The following MDM2 variants were observed in gnomAD, a reference collection of about 807,000 sequenced individuals.
MDM2 encodes E3 ubiquitin-protein ligase Mdm2.
In MDM2, 11 loss-of-function variants were observed where a neutral mutation model predicts 64.3. That is an observed-to-expected ratio of 0.17 (90% CI 0.11 to 0.28). The LOEUF is 0.28. Ranked by LOEUF, MDM2 falls within the 10% of genes least tolerant of loss-of-function variation. The pLI is 1.00. For missense variants in MDM2, 388 were observed against 577.1 expected, an observed-to-expected ratio of 0.67 and a Z score of 3.36; for synonymous variants, 194 against 192.9, an observed-to-expected ratio of 1.01 and a Z score of -0.05.
rs893861021 is a variant in MDM2 at position 68,842,585 on chromosome 12, T to A, written c.*2736T>A. ...TCTCATTGTTAACTCTTTACTGATA[T>A]GTTTGTAAATACAGAAGTGAAATGT... On this transcript the variant is annotated 3_prime_UTR_variant, in exon 11 of 11. Transcript: ENST00000258149. 5.1e-5 allele frequency: 16 copies of A among 314,402 alleles called. No individual in the cohort carries two copies. The highest frequency in any genetic ancestry group is 1.0e-4 in the Non-Finnish European group (16 of 159,924). 19.5% of individuals were successfully genotyped at this position (314,402 alleles called of 1,614,324 possible).
Position 68,808,343 on chromosome 12 carries a change from T to G in MDM2, c.-135T>G. The G allele has an allele frequency of 2.6e-6, 3 of 1,170,096 alleles. No homozygotes were observed. The highest frequency in any genetic ancestry group is 3.8e-6 in the Non-Finnish European group (3 of 795,706). The allele number at this position is 1,170,096 out of a possible 1,614,324, so 72.5% of individuals were successfully genotyped here. ...GGAGCACCGTCCCTCCCCGGATTAG[T>G]GCGTACGAGCGCCCAGTGCCCTGGC... is the stretch of plus-strand genomic sequence containing the variant. On this transcript the variant is annotated 5_prime_UTR_variant, in exon 1 of 11. Transcript: ENST00000258149.
chr12:68,839,376 G>C lies in MDM2; in HGVS notation c.1021G>C (p.Gly341Arg), dbSNP rs1317562896. 1 of 1,613,832 alleles carries C rather than the reference G, an allele frequency of 6.2e-7. No individual in the cohort carries two copies. The highest frequency in any genetic ancestry group is 2.2e-5 in the East Asian group (1 of 44,828). Residue 341 changes from glycine to arginine, a missense_variant, in exon 11 of 11, where the codon GGG becomes CGG. By Grantham distance (125) the Gly-to-Arg change is moderately radical. Transcript: ENST00000258149. Reference sequence around the variant, plus strand: ...TGAGAATTGGCTTCCTGAAGATAAAGGGAAAGATAAAGGGGAAATCTCTGA... The same window carrying C: ...TGAGAATTGGCTTCCTGAAGATAAACGGAAAGATAAAGGGGAAATCTCTGA... The part of the protein sequence containing the change: ...LRENWLPEDK[G>R]KDKGEISEKA...
chr12:68,833,610 A>G (rs568204247), intron 8 of MDM2, among the ~76,000 whole-genome samples: 291 of 151,826 alleles, frequency 1.9e-3, no homozygotes, highest in Non-Finnish European at 3.6e-3. Flanking sequence ...AAAGAGCCAC[A>G]TAGTTAATTA....
At chr12:68,829,774 A>T (rs540733421) in intron 8 of MDM2, among the ~76,000 whole-genome samples, 1 of 152,226 alleles carries the variant, frequency 6.6e-6, no homozygotes, top group East Asian at 1.9e-4. Context: ...TCAAAAAAAA[A>T]AAAAAAAAAT....
intron 8 of MDM2, among the ~76,000 whole-genome samples, chr12:68,832,310 G>A (rs901729488): frequency 1.3e-5 from 2 of 152,046 alleles, no homozygotes; most frequent in Non-Finnish European, 1.5e-5. Flanking sequence ...GTTCTAGACT[G>A]TACACCATGC....
chr12:68,815,298 T>C (rs941413541), intron 3 of MDM2, among the ~76,000 whole-genome samples: 2 of 152,110 alleles, frequency 1.3e-5, no homozygotes, highest in African/African-American at 4.8e-5. Flanking sequence ...GTAACAGTAG[T>C]GTATGTATTG....
chr12:68,819,098 G>C (rs773673493), intron 4 of MDM2, among the ~76,000 whole-genome samples: 2 of 152,144 alleles, frequency 1.3e-5, no homozygotes, highest in African/African-American at 2.4e-5. Context: ...TAAATGTTGA[G>C]AGATAAGAAA....
Position 68,839,599 on chromosome 12 carries a change from A to G in MDM2, c.1244A>G (p.Glu415Gly). ...AGTAGCATTATTTATAGCAGCCAAG[A>G]AGATGTGAAAGAGTTTGAAAGGGAA... is the stretch of plus-strand genomic sequence containing the variant. ...TSSSIIYSSQ[E>G]DVKEFEREET... Residue 415 changes from glutamate (E) to glycine (G), a missense_variant, in exon 11 of 11, where the codon GAA becomes GGA. Glu to Gly is a moderately conservative substitution (Grantham distance 98). This residue lies in a region of MDM2 where 138 missense variants were observed against 143.7 expected (regional missense o/e 0.96). Transcript: ENST00000258149. 1 of 1,613,976 alleles carries G rather than the reference A, an allele frequency of 6.2e-7. No individual in the cohort carries two copies. Among genetic ancestry groups the G allele is most frequent in the South Asian group, 1.1e-5 (1 of 91,080 alleles).
At chr12:68,834,549 C>A (rs1339018130) in intron 8 of MDM2, among the ~76,000 whole-genome samples, 1 of 151,840 alleles carries the variant, frequency 6.6e-6, no homozygotes, top group Non-Finnish European at 1.5e-5. Flanking sequence ...CCAGCCTGGC[C>A]AACATGGTGA....
At chr12:68,839,236 G>A in intron 10 of MDM2, 38 bp from the exon 11 acceptor site, 2 of 1,581,438 alleles carry the variant, frequency 1.3e-6, no homozygotes, top group Non-Finnish European at 1.7e-6. Context: ...GCAGTTAAAG[G>A]GTTACAGAAA....
At chr12:68,808,578 G>T in intron 1 of MDM2, 87 bp downstream of exon 1, 2 of 1,586,888 alleles carry the variant, frequency 1.3e-6, no homozygotes, top group East Asian at 2.3e-5. Flanking sequence ...CTGCCCGTTC[G>T]CAGCCTTTGT....
At chr12:68,826,993 G>C (rs897726439) in intron 7 of MDM2, among the ~76,000 whole-genome samples, 1 of 152,040 alleles carries the variant, frequency 6.6e-6, no homozygotes, top group Non-Finnish European at 1.5e-5. Context: ...TGGCTAACAC[G>C]GTGAAACCCC....
At chr12:68,837,984 A>C (rs1355906063) in intron 10 of MDM2, among the ~76,000 whole-genome samples, 1 of 152,204 alleles carries the variant, frequency 6.6e-6, no homozygotes, top group Non-Finnish European at 1.5e-5. Flanking sequence ...AAGTTGAGTA[A>C]AATATTTTAG....
intron 1 of MDM2, chr12:68,808,876 TTGGGCCGGTTCAG>T: frequency 7.4e-7 from 1 of 1,353,242 alleles, no homozygotes; most frequent in Non-Finnish European, 9.5e-7. Flanking sequence ...CTGGGCGGGA[TTGGGCCGGTTCAG>T]TGGGCAGGTT....
At chr12:68,831,602 G>A (rs907295336) in intron 8 of MDM2, among the ~76,000 whole-genome samples, 1 of 152,144 alleles carries the variant, frequency 6.6e-6, no homozygotes, top group Non-Finnish European at 1.5e-5. Context: ...TTAAGAGCCA[G>A]GGCTTTTATG....
At chr12:68,811,237 T>A (rs1033534791) in intron 2 of MDM2, among the ~76,000 whole-genome samples, 5 of 152,248 alleles carry the variant, frequency 3.3e-5, no homozygotes, top group African/African-American at 1.2e-4. Context: ...TTTAGTTTTT[T>A]AAAATTTTTC....
intron 9 of MDM2, 167 bp from the exon 10 acceptor site, chr12:68,836,505 C>T: frequency 1.9e-6 from 1 of 533,790 alleles, no homozygotes; most frequent in South Asian, 2.5e-5. Flanking sequence ...AAGGATTTCT[C>T]TCTCCTCCAT....
chr12:68,830,817 C>T (rs1027877110), intron 8 of MDM2, among the ~76,000 whole-genome samples: 42 of 152,264 alleles, frequency 2.8e-4, no homozygotes, highest in African/African-American at 9.9e-4. Context: ...TCTCATGTCT[C>T]AGCCTCCTGA....
At position 68,843,668 on chromosome 12, in the gene MDM2, A is replaced by G. The variant is rs150137388; in HGVS notation, c.*3819A>G. 563 of 225,054 alleles carry G rather than the reference A, an allele frequency of 2.5e-3. 3 individuals carry two copies. Among genetic ancestry groups the G allele is most frequent in the African/African-American group, 0.012 (529 of 44,414 alleles). The allele number at this position is 225,054 out of a possible 1,614,324, so 13.9% of individuals were successfully genotyped here. The stretch of plus-strand genomic sequence containing the variant: ...AGGACTGAGGTAATTCTGCACAGCA[A>G]CTTTACTAATGGTACATTGTTGCTT... On this transcript the variant is annotated 3_prime_UTR_variant, in exon 11 of 11. Transcript: ENST00000258149.
Sources: gnomAD v4.1 joint callset for allele counts (sites outside exome capture counted in the v4.1 genomes callset) on GRCh38, gnomAD v4.1.1 for gene constraint, gnomAD v4.1.1 regional missense constraint, MANE v1.5 for transcripts, NCBI Gene and HGNC (gene_info 2026-07-23, HGNC 2026-07-21) for gene names.